GSK3B: variants seen among roughly 807,000 people sequenced by gnomAD.
The protein encoded by GSK3B is glycogen synthase kinase 3 beta, also known as glycogen synthase kinase-3 beta.
GSK3B carries 15 observed loss-of-function variants against 56.4 expected under a neutral mutation model. The observed-to-expected ratio is 0.27, with a 90% CI of 0.18 to 0.41. The LOEUF is 0.41. GSK3B is among the 10% of genes least tolerant of loss of function. The probability of loss-of-function intolerance (pLI) is 1.00; values close to 1 mark genes in which losing one functional copy is unlikely to be tolerated. For synonymous variants in GSK3B, 181 were observed against 188.9 expected (o/e 0.96, Z 0.34); for missense variants, 300 against 513.4 (o/e 0.58, Z 4.02).
At chr3:120,090,470 C>G (rs1280538374) in intron 1 of GSK3B, among the ~76,000 whole-genome samples, 1 of 152,156 alleles carries the variant, frequency 6.6e-6, no homozygotes, top group Non-Finnish European at 1.5e-5. Flanking sequence ...AGCACTTTCT[C>G]AATTTTCCCA....
intron 10 of GSK3B, among the ~76,000 whole-genome samples, chr3:119,831,488 T>C (rs1296490355): frequency 1.3e-5 from 2 of 151,964 alleles, no homozygotes; most frequent in Non-Finnish European, 2.9e-5. Context: ...AAACCCTGAC[T>C]CTACTAAAAA....
chr3:119,859,390 A>G (rs1400305588), intron 9 of GSK3B, among the ~76,000 whole-genome samples: 2 of 152,212 alleles, frequency 1.3e-5, no homozygotes, highest in Non-Finnish European at 2.9e-5. Flanking sequence ...TTGTTATTTT[A>G]TAACAGGAAA....
chr3:120,077,685 T>C (rs1179380540), intron 1 of GSK3B, among the ~76,000 whole-genome samples: 1 of 152,108 alleles, frequency 6.6e-6, no homozygotes, highest in Admixed American at 6.5e-5. Context: ...CTATGTGAGA[T>C]GGAGATGTTA....
At position 119,863,438 on chromosome 3, in the gene GSK3B, G is replaced by C; in HGVS notation, c.1077C>G (p.Leu359=). 2 of 1,613,770 alleles carry C rather than the reference G, an allele frequency of 1.2e-6. No individual in the cohort carries two copies. The highest frequency in any genetic ancestry group is 1.7e-6 in the Non-Finnish European group (2 of 1,179,694). ...KLPNGRDTPA[L]FNFTTQELSS... is the part of the protein sequence containing the mutation. ...AGTTACCTTGAGTGGTGAAGTTGAA[G>C]AGTGCAGGTGTGTCTCGCCCATTTG... Residue 359 remains leucine, a synonymous_variant, in exon 9 of 11, where the codon CTC becomes CTG. Coordinates refer to ENST00000264235, the MANE Select transcript of GSK3B (RefSeq NM_001146156.2).
chr3:119,919,771 G>A (rs1053332390), intron 4 of GSK3B, among the ~76,000 whole-genome samples: 1 of 151,962 alleles, frequency 6.6e-6, no homozygotes, highest in South Asian at 2.1e-4. Context: ...AAAACAATAT[G>A]TGCATTATTG....
chr3:119,897,595 G>T (rs987287829), intron 7 of GSK3B, among the ~76,000 whole-genome samples: 2 of 151,548 alleles, frequency 1.3e-5, no homozygotes, highest in Non-Finnish European at 2.9e-5. Flanking sequence ...TTTTCTGGGG[G>T]GAAGTGTCCA....
chr3:119,953,794 C>T (rs1467168592), intron 2 of GSK3B, among the ~76,000 whole-genome samples: 1 of 152,160 alleles, frequency 6.6e-6, no homozygotes, highest in Non-Finnish European at 1.5e-5. Flanking sequence ...AACCTACACA[C>T]ATTCTAAGCC....
chr3:119,826,387 CA>C lies in GSK3B; in HGVS notation c.*400del. On this transcript the variant is annotated 3_prime_UTR_variant, in exon 11 of 11. Transcript: ENST00000264235. ...TCTCACACTAGACTTTAAAAGAAAA[CA>C]AAGTTCAAAAAAACCCATCAGCACA... 2.4e-6 allele frequency: 1 copy of C among 414,590 alleles called. No individual in the cohort carries two copies. The highest frequency in any genetic ancestry group is 2.5e-5 in the South Asian group (1 of 40,444). The allele number at this position is 414,590 out of a possible 1,614,324, so 25.7% of individuals were successfully genotyped here.
chr3:119,909,473 G>C (rs1313390448), intron 6 of GSK3B, among the ~76,000 whole-genome samples: 1 of 152,214 alleles, frequency 6.6e-6, no homozygotes, highest in Non-Finnish European at 1.5e-5. Flanking sequence ...GCTTAAAGTT[G>C]CTCCTTGTTT....
intron 1 of GSK3B, among the ~76,000 whole-genome samples, chr3:120,085,996 T>G (rs1050869805): frequency 6.6e-6 from 1 of 152,190 alleles, no homozygotes; most frequent in South Asian, 2.1e-4. Context: ...TCACCCTTTT[T>G]CTTCAGCCTA....
At chr3:119,971,881 G>A (rs1160764077) in intron 2 of GSK3B, among the ~76,000 whole-genome samples, 1 of 151,928 alleles carries the variant, frequency 6.6e-6, no homozygotes, top group Non-Finnish European at 1.5e-5. Flanking sequence ...AAAGTGCTGG[G>A]ATTACAGGCG....
intron 2 of GSK3B, among the ~76,000 whole-genome samples, chr3:119,987,370 AAC>A (rs1221013311): frequency 2.6e-5 from 4 of 152,210 alleles, no homozygotes; most frequent in African/African-American, 4.8e-5. Context: ...CTATTGAAAA[AAC>A]AGTTTATATG....
At chr3:120,092,045 C>T (rs1052238409) in intron 1 of GSK3B, among the ~76,000 whole-genome samples, 16 of 152,060 alleles carry the variant, frequency 1.1e-4, no homozygotes, top group Non-Finnish European at 1.5e-4. Flanking sequence ...CTCAGTTCTT[C>T]TAGGCAACAA....
At chr3:119,939,247 T>C (rs1301710008) in intron 3 of GSK3B, among the ~76,000 whole-genome samples, 3 of 152,098 alleles carry the variant, frequency 2.0e-5, no homozygotes, top group East Asian at 1.9e-4. Context: ...ATTCTGACAA[T>C]TGCACATACT....
chr3:119,909,291 G>A (rs2056713598), intron 6 of GSK3B, among the ~76,000 whole-genome samples: 4 of 152,172 alleles, frequency 2.6e-5, no homozygotes, highest in African/African-American at 2.4e-5. Flanking sequence ...GATTACAGGT[G>A]TGAGCCACTG....
chr3:120,007,989 C>T (rs1162456896), intron 1 of GSK3B, among the ~76,000 whole-genome samples: 3 of 148,890 alleles, frequency 2.0e-5, no homozygotes, highest in Admixed American at 6.7e-5. Flanking sequence ...CTCTGTTTGA[C>T]GTCTCAGGCC....
chr3:119,889,238 A>G (rs941521268), intron 7 of GSK3B, among the ~76,000 whole-genome samples: 1 of 152,078 alleles, frequency 6.6e-6, no homozygotes, highest in Non-Finnish European at 1.5e-5. Flanking sequence ...TCACCCCCGG[A>G]GGCCGAGCTG....
At chr3:120,070,787 T>C (rs978758067) in intron 1 of GSK3B, among the ~76,000 whole-genome samples, 2 of 152,158 alleles carry the variant, frequency 1.3e-5, no homozygotes, top group African/African-American at 4.8e-5. Context: ...TCCTAAGGAG[T>C]AAAGTCTAAT....
intron 2 of GSK3B, among the ~76,000 whole-genome samples, chr3:119,981,584 G>A (rs1264883365): frequency 6.6e-6 from 1 of 152,262 alleles, no homozygotes; most frequent in Non-Finnish European, 1.5e-5. Flanking sequence ...ACGGAGCCTT[G>A]CTCACTGCTA....
Sources: gnomAD v4.1 joint callset for allele counts (sites outside exome capture counted in the v4.1 genomes callset) on GRCh38, gnomAD v4.1.1 for gene constraint, MANE v1.5 for transcripts, NCBI Gene and HGNC (gene_info 2026-07-23, HGNC 2026-07-21) for gene names.